Variants in GRID2 observed in about 807,000 individuals in gnomAD.
The protein encoded by GRID2 is glutamate receptor ionotropic, delta-2.
Under a neutral mutation model 114.8 loss-of-function variants are expected in GRID2, and 33 were observed. The observed-to-expected ratio is 0.29, with a 90% CI of 0.22 to 0.38. The LOEUF is 0.38. Ranked by LOEUF, GRID2 falls within the 10% of genes least tolerant of loss-of-function variation. The probability of loss-of-function intolerance (pLI) is 1.00; values close to 1 mark genes in which losing one functional copy is unlikely to be tolerated. For synonymous variants in GRID2, 505 were observed against 449.9 expected, an observed-to-expected ratio of 1.12 and a Z score of -1.55; for missense variants, 1,184 against 1,257.7, an observed-to-expected ratio of 0.94 and a Z score of 0.89.
At chr4:93,231,830 A>G (rs1355892194) in intron 7 of GRID2, among the ~76,000 whole-genome samples, 1 of 152,168 alleles carries the variant, frequency 6.6e-6, no homozygotes, top group Non-Finnish European at 1.5e-5. Context: ...GTGCTCTCTC[A>G]GTAGCACTTC....
At chr4:92,614,383 A>G (rs556455461) in intron 2 of GRID2, among the ~76,000 whole-genome samples, 13 of 151,638 alleles carry the variant, frequency 8.6e-5, no homozygotes, top group African/African-American at 4.8e-5. Flanking sequence ...TGCGGTTAAC[A>G]CTGCTTTACC....
intron 2 of GRID2, among the ~76,000 whole-genome samples, chr4:92,936,888 G>C (rs577190485): frequency 1.3e-4 from 19 of 146,374 alleles, no homozygotes; most frequent in African/African-American, 4.6e-4. Flanking sequence ...CCCCATAGTT[G>C]GTATGAAGTG....
intron 2 of GRID2, among the ~76,000 whole-genome samples, chr4:92,729,519 T>C (rs1407114479): frequency 2.6e-5 from 4 of 152,062 alleles, no homozygotes; most frequent in African/African-American, 9.7e-5. Flanking sequence ...ATAAGAAGCA[T>C]GTTTTGCTTT....
intron 2 of GRID2, among the ~76,000 whole-genome samples, chr4:93,077,872 A>G (rs115034477): frequency 0.025 from 3,747 of 152,298 alleles, 99 homozygotes; most frequent in Admixed American, 0.066. Flanking sequence ...AAGACTGACA[A>G]TTTCATTGTA....
intron 2 of GRID2, among the ~76,000 whole-genome samples, chr4:92,609,404 TAA>T (rs141363961): frequency 0.05 from 7,496 of 151,384 alleles, 240 homozygotes; most frequent in East Asian, 0.12. Flanking sequence ...AAAAAAATAA[TAA>T]AGACAATTCC....
chr4:92,954,905 G>A (rs1376591824), intron 2 of GRID2, among the ~76,000 whole-genome samples: 1 of 137,994 alleles, frequency 7.2e-6, no homozygotes, highest in African/African-American at 2.8e-5. Flanking sequence ...TGAGAATGAT[G>A]ATTTCCAATT....
chr4:92,971,772 A>G (rs964325014), intron 2 of GRID2, among the ~76,000 whole-genome samples: 1 of 152,004 alleles, frequency 6.6e-6, no homozygotes, highest in Non-Finnish European at 1.5e-5. Context: ...TAGCTCCCAC[A>G]TAGGAGTGAG....
At chr4:92,806,166 GACACACACACACACACACACAC>G (rs56070810) in intron 2 of GRID2, among the ~76,000 whole-genome samples, 5 of 133,258 alleles carry the variant, frequency 3.8e-5, no homozygotes, top group South Asian at 5.2e-4. Context: ...ATAGGCTATC[GACACACACACACACACACACAC>G]ACACACACAC....
Position 93,328,214 on chromosome 4 carries a change from A to T in GRID2, c.1246-67393A>T, listed in dbSNP as rs555305100. ...GAGATAATGCCACTTATGAGCTAAA[A>T]CCTCCAATGTCTTTCCACCTTATTT... On this transcript the variant is annotated intron_variant, in intron 8 of 15. Transcript: ENST00000282020. Among the ~76,000 whole-genome samples the T allele has an allele frequency of 3.9e-5, 6 of 152,036 alleles. No individual in the cohort carries two copies. The South Asian group carries it at 8.3e-4, about 21-fold the overall frequency.
chr4:93,588,360 C>T (rs561209143), intron 13 of GRID2, among the ~76,000 whole-genome samples: 79 of 151,854 alleles, frequency 5.2e-4, no homozygotes, highest in Non-Finnish European at 1.0e-3. Context: ...AAATGTTTTC[C>T]TCTCCATTAA....
intron 13 of GRID2, among the ~76,000 whole-genome samples, chr4:93,563,143 G>A (rs1416463117): frequency 1.3e-5 from 2 of 152,004 alleles, no homozygotes; most frequent in African/African-American, 4.8e-5. Context: ...GAAATACACT[G>A]AATTATTAAA....
At chr4:93,544,830 G>A (rs1456624913) in intron 13 of GRID2, among the ~76,000 whole-genome samples, 3 of 150,724 alleles carry the variant, frequency 2.0e-5, no homozygotes, top group African/African-American at 7.3e-5. Context: ...GATTAAGAAA[G>A]ACTTAGGCTC....
At chr4:92,907,514 C>T (rs894104509) in intron 2 of GRID2, among the ~76,000 whole-genome samples, 1 of 152,054 alleles carries the variant, frequency 6.6e-6, no homozygotes, top group Non-Finnish European at 1.5e-5. Flanking sequence ...CAGGTTCAAG[C>T]AATTCTCCTG....
At chr4:93,482,518 A>G (rs1222468696) in intron 11 of GRID2, among the ~76,000 whole-genome samples, 1 of 151,916 alleles carries the variant, frequency 6.6e-6, no homozygotes, top group Non-Finnish European at 1.5e-5. Flanking sequence ...GAAACATCAC[A>G]CAGCGGGGCG....
intron 2 of GRID2, among the ~76,000 whole-genome samples, chr4:92,673,042 C>G (rs1733154198): frequency 6.6e-6 from 1 of 152,098 alleles, no homozygotes; most frequent in Non-Finnish European, 1.5e-5. Context: ...CATTTTAGCT[C>G]CCACAAATAA....
At chr4:93,218,620 T>C (rs1163364152) in intron 6 of GRID2, among the ~76,000 whole-genome samples, 1 of 152,178 alleles carries the variant, frequency 6.6e-6, no homozygotes, top group African/African-American at 2.4e-5. Context: ...TCTGTGTGAA[T>C]ATATATGTTT....
At chr4:92,750,022 C>T (rs1453264218) in intron 2 of GRID2, among the ~76,000 whole-genome samples, 4 of 152,098 alleles carry the variant, frequency 2.6e-5, no homozygotes, top group Non-Finnish European at 5.9e-5. Flanking sequence ...CCACCAAGCC[C>T]AGCTAATTTG....
At chr4:92,800,045 G>A (rs544945628) in intron 2 of GRID2, among the ~76,000 whole-genome samples, 16 of 151,898 alleles carry the variant, frequency 1.1e-4, no homozygotes, top group South Asian at 2.1e-4. Flanking sequence ...TTTGCACTAC[G>A]TCAGTTCTTT....
At chr4:93,633,854 A>G (rs1031081393) in intron 14 of GRID2, among the ~76,000 whole-genome samples, 7 of 152,104 alleles carry the variant, frequency 4.6e-5, no homozygotes, top group East Asian at 3.8e-4. Flanking sequence ...TAATACCCCA[A>G]TTGGAATGGG....
Sources: gnomAD v4.1 joint callset for allele counts (sites outside exome capture counted in the v4.1 genomes callset) on GRCh38, gnomAD v4.1.1 for gene constraint, MANE v1.5 for transcripts, NCBI Gene and HGNC (gene_info 2026-07-23, HGNC 2026-07-21) for gene names.